The following TBC1D1 variants were observed in gnomAD, a reference collection of about 807,000 sequenced individuals.
TBC1D1 encodes TBC1 domain family member 1.
In TBC1D1, 89 loss-of-function variants were observed where a neutral mutation model predicts 125.6. The observed-to-expected ratio is 0.71, with a 90% CI of 0.60 to 0.85. The LOEUF (loss-of-function observed/expected upper bound fraction) is 0.85. Ranked by LOEUF, TBC1D1 falls within the 40% of genes least tolerant of loss-of-function variation. The pLI is 0.00. For synonymous variants in TBC1D1, 565 were observed against 564.1 expected (o/e 1.00, Z -0.02); for missense variants, 1,377 against 1,469.2 (o/e 0.94, Z 1.03).
chr4:37,905,180 A>G (rs1400013626), intron 2 of TBC1D1, among the ~76,000 whole-genome samples: 2 of 152,256 alleles, frequency 1.3e-5, no homozygotes, highest in African/African-American at 4.8e-5. Flanking sequence ...TTTCTATTGT[A>G]TGTTCCATAG....
chr4:38,095,910 C>A lies in TBC1D1; in HGVS notation c.2237-19C>A. On this transcript the variant is annotated intron_variant, in intron 13 of 19. Transcript: ENST00000261439. ...TAGCTGTAGCCTTTACTAATGCGCTCTGGAATGGTCTATTCCAGCCTCTGA... is the reference window on the plus strand; with the variant it reads ...TAGCTGTAGCCTTTACTAATGCGCTATGGAATGGTCTATTCCAGCCTCTGA... 1 of 1,603,534 alleles carries A rather than the reference C, an allele frequency of 6.2e-7. No individual in the cohort carries two copies. Among genetic ancestry groups the A allele is most frequent in the South Asian group, 1.1e-5 (1 of 89,810 alleles).
chr4:38,119,404 C>G (rs1426167524), intron 17 of TBC1D1, among the ~76,000 whole-genome samples: 1 of 151,916 alleles, frequency 6.6e-6, no homozygotes, highest in African/African-American at 2.4e-5. Context: ...AATTCATATT[C>G]CTTCTTTTCT....
intron 2 of TBC1D1, among the ~76,000 whole-genome samples, chr4:37,919,894 T>C (rs559473896): frequency 1.3e-5 from 2 of 152,072 alleles, no homozygotes; most frequent in South Asian, 2.1e-4. Context: ...GGGCGGATCA[T>C]GAGGTCAGGA....
intron 13 of TBC1D1, among the ~76,000 whole-genome samples, chr4:38,092,188 G>C (rs1473000443): frequency 6.6e-6 from 1 of 152,190 alleles, no homozygotes; most frequent in Non-Finnish European, 1.5e-5. Context: ...GAATCAGCCA[G>C]AGTGTACAGT....
intron 8 of TBC1D1, among the ~76,000 whole-genome samples, chr4:38,041,229 A>G (rs1042347467): frequency 6.6e-6 from 1 of 152,266 alleles, no homozygotes; most frequent in African/African-American, 2.4e-5. Context: ...AGATGACTGA[A>G]TAAAATAATA....
intron 15 of TBC1D1, among the ~76,000 whole-genome samples, chr4:38,115,171 G>C (rs1249671604): frequency 6.7e-6 from 1 of 148,712 alleles, no homozygotes; most frequent in African/African-American, 2.5e-5. Context: ...CATGATCTCA[G>C]CTCACTGCCA....
intron 13 of TBC1D1, among the ~76,000 whole-genome samples, chr4:38,092,225 G>A (rs542170062): frequency 1.3e-5 from 2 of 152,140 alleles, no homozygotes. Flanking sequence ...TTGCCAATAG[G>A]TTCATGGAAA....
At position 38,020,603 on chromosome 4, in the gene TBC1D1, G is replaced by GT; in HGVS notation, c.986dup (p.Asp330GlyfsTer28). 6.2e-7 allele frequency: 1 copy of GT among 1,612,706 alleles called. No homozygotes were observed. Among genetic ancestry groups the GT allele is most frequent in the Non-Finnish European group, 8.5e-7 (1 of 1,179,084 alleles). On this transcript the variant is annotated frameshift_variant, in exon 5 of 20. Coordinates refer to ENST00000261439, the MANE Select transcript of TBC1D1 (RefSeq NM_015173.4). LOFTEE classifies it high-confidence loss of function. ...CTCCCTTTGGCAGGGCATCAGACAC[G>GT]TGGACCACTTTGGGTTTATCTGTCG... is the stretch of plus-strand genomic sequence containing the variant.
rs557607871 is a variant in TBC1D1, at chr4:37,979,330, C to T, written c.418-35179C>T. On this transcript the variant is annotated intron_variant, in intron 2 of 19. Coordinates refer to ENST00000261439, the MANE Select transcript of TBC1D1 (RefSeq NM_015173.4). ...GGTGCATGCATTACAAATTATATCC[C>T]GAAATTGAATGATTTTTATAGATAA... Among the ~76,000 whole-genome samples, 5 of 152,186 alleles carry T rather than the reference C, an allele frequency of 3.3e-5. No homozygotes were observed. In the South Asian group the frequency reaches 1.0e-3, roughly 32 times the overall value.
chr4:37,998,745 G>A (rs1738381171), intron 2 of TBC1D1, among the ~76,000 whole-genome samples: 1 of 152,192 alleles, frequency 6.6e-6, no homozygotes, highest in Non-Finnish European at 1.5e-5. Context: ...GTTGGTGTGA[G>A]GATTAAATGA....
At chr4:37,981,188 C>T (rs1036834880) in intron 2 of TBC1D1, among the ~76,000 whole-genome samples, 46 of 152,262 alleles carry the variant, frequency 3.0e-4, no homozygotes, top group African/African-American at 1.0e-3. Flanking sequence ...AGTGATCTGC[C>T]CACCTCCGCC....
At chr4:38,016,727 G>A (rs1156590907) in intron 3 of TBC1D1, among the ~76,000 whole-genome samples, 1 of 152,218 alleles carries the variant, frequency 6.6e-6, no homozygotes, top group Non-Finnish European at 1.5e-5. Flanking sequence ...CTGAAAACAA[G>A]GAAGGATGGT....
intron 12 of TBC1D1, among the ~76,000 whole-genome samples, chr4:38,075,173 G>C (rs1212065264): frequency 6.6e-6 from 1 of 152,200 alleles, no homozygotes; most frequent in Non-Finnish European, 1.5e-5. Context: ...TTTTCAAGGA[G>C]CATTTGAACT....
intron 2 of TBC1D1, among the ~76,000 whole-genome samples, chr4:38,008,872 C>T (rs1274606070): frequency 6.6e-6 from 1 of 152,174 alleles, no homozygotes; most frequent in Non-Finnish European, 1.5e-5. Flanking sequence ...ATGCGTGAGC[C>T]TCCTAAAGTC....
chr4:38,035,779 AAC>A, intron 8 of TBC1D1, 81 bp downstream of exon 8: 1 of 1,009,506 alleles, frequency 9.9e-7, no homozygotes, highest in South Asian at 1.4e-5. Flanking sequence ...GATTTTCTGA[AAC>A]TCTGATACCT....
At chr4:38,030,928 A>C (rs920637184) in intron 7 of TBC1D1, among the ~76,000 whole-genome samples, 3 of 152,266 alleles carry the variant, frequency 2.0e-5, no homozygotes, top group Admixed American at 6.5e-5. Flanking sequence ...ATAACTGTGT[A>C]AACGATGCTG....
intron 2 of TBC1D1, among the ~76,000 whole-genome samples, chr4:37,909,865 T>C (rs929639863): frequency 2.0e-5 from 3 of 152,192 alleles, no homozygotes; most frequent in Admixed American, 2.0e-4. Flanking sequence ...AGTGTATCCA[T>C]GTCAGCTAAT....
At chr4:38,123,186 G>A (rs542172450) in intron 17 of TBC1D1, among the ~76,000 whole-genome samples, 35 of 152,258 alleles carry the variant, frequency 2.3e-4, no homozygotes, top group Middle Eastern at 3.4e-3. Flanking sequence ...GAAAATCACT[G>A]GTGTTGTAGG....
intron 12 of TBC1D1, among the ~76,000 whole-genome samples, chr4:38,061,358 C>G (rs1752720580): frequency 6.6e-6 from 1 of 152,080 alleles, no homozygotes; most frequent in African/African-American, 2.4e-5. Flanking sequence ...ATAATTTTCT[C>G]TCTGGGTGTA....
Sources: allele counts gnomAD v4.1 joint callset (sites outside exome capture counted in the v4.1 genomes callset), GRCh38; gene constraint gnomAD v4.1.1; transcripts MANE v1.5; gene names NCBI Gene and HGNC (gene_info 2026-07-23, HGNC 2026-07-21).